The following MARVELD1 variants were observed in gnomAD, a reference collection of about 807,000 sequenced individuals.
MARVELD1 encodes the protein MARVEL domain containing 1.
In MARVELD1, 7 loss-of-function variants were observed where a neutral mutation model predicts 11.3. That is an observed-to-expected ratio of 0.62 (90% CI 0.35 to 1.16). MARVELD1 has a LOEUF of 1.16. Among genes scored for constraint, MARVELD1 ranks in the 50% most tolerant of loss-of-function variants. MARVELD1 has a pLI of 0.02. For synonymous variants in MARVELD1, 119 were observed against 121.4 expected, an observed-to-expected ratio of 0.98 and a Z score of 0.13; for missense variants, 216 against 243.8, an observed-to-expected ratio of 0.89 and a Z score of 0.76.
rs1410279497 is a variant in MARVELD1, at chr10:97,713,980, G to GGCTGCTGCA, written c.112_120dup (p.Gln38_Leu40dup). On this transcript the variant is annotated inframe_insertion, in exon 1 of 2. Coordinates refer to ENST00000285605, the MANE Select transcript of MARVELD1 (RefSeq NM_031484.4). This position sits in a 1 kb window ranked among gnomAD's most constrained non-coding sequence, Gnocchi z 5.7. ...CTGCGCAGCCCGCTGGGCGTGTTGC[G>GGCTGCTGCA]GCTGCTGCAGCTGCTGGCCGGCGCT... 2 of 1,534,458 alleles carry GGCTGCTGCA rather than the reference G, an allele frequency of 1.3e-6. No individual in the cohort carries two copies. The highest frequency in any genetic ancestry group is 1.7e-6 in the Non-Finnish European group (2 of 1,145,946).
In MARVELD1 at chr10:97,714,152, G is replaced by T. The variant is rs1396454653; in HGVS notation, c.276G>T (p.Ser92=). 2 of 1,536,864 alleles carry T rather than the reference G, an allele frequency of 1.3e-6. No individual in the cohort carries two copies. The highest frequency in any genetic ancestry group is 2.4e-5 in the South Asian group (2 of 84,054). The change falls in exon 1 of 2, where the codon TCG becomes TCT. Residue 92 remains serine (S), a synonymous_variant. Coordinates refer to ENST00000285605, the MANE Select transcript of MARVELD1 (RefSeq NM_031484.4). This position sits in a 1 kb window ranked among gnomAD's most constrained non-coding sequence, Gnocchi z 7.4. The stretch of plus-strand genomic sequence containing the variant: ...ACGAGCTGGTCCCCGTGCTGGGCTC[G>T]CGCTGGCTCATGGTCAACGTGGCGC... The part of the protein sequence containing the change: ...GKHELVPVLG[S]RWLMVNVAHD...
Position 97,713,874 on chromosome 10 carries a change from G to T in MARVELD1, c.-3G>T, listed in dbSNP as rs866528612. 71 of 740,980 alleles carry T rather than the reference G, an allele frequency of 9.6e-5. 1 individual carries two copies. In the East Asian group the frequency reaches 7.6e-3, roughly 79 times the overall value. The allele number at this position is 740,980 out of a possible 1,614,324, so 45.9% of individuals were successfully genotyped here. A position where few individuals can be genotyped will look rare whatever the true frequency, so the allele number is the denominator to read the frequency against. ...GCCGCCGCCGCCACCGCGCCCAGGGGCCATGCTCCCGCCGCCCCCGCGCCA... is the reference window on the plus strand; with the variant it reads ...GCCGCCGCCGCCACCGCGCCCAGGGTCCATGCTCCCGCCGCCCCCGCGCCA... On this transcript the variant is annotated 5_prime_UTR_variant, in exon 1 of 2. Transcript: ENST00000285605. The surrounding 1 kb of genome is among the most constrained non-coding windows in gnomAD (Gnocchi z 5.7).
chr10:97,717,010 G>A (rs1026203627), intron 1 of MARVELD1, among the ~76,000 whole-genome samples, 184 bp from the exon 2 acceptor site: 5 of 152,158 alleles, frequency 3.3e-5, no homozygotes, highest in Non-Finnish European at 5.9e-5. Context: ...TAAGTGTATA[G>A]TTCAGTGGCA....
Position 97,714,457 on chromosome 10 carries a change from C to T in MARVELD1, c.*59C>T, listed in dbSNP as rs2041896207. On this transcript the variant is annotated 3_prime_UTR_variant, in exon 1 of 2. Transcript: ENST00000285605. This position sits in a 1 kb window ranked among gnomAD's most constrained non-coding sequence, Gnocchi z 7.4. ...CGGGGGAATCCCCGGAGACCAGCCT[C>T]CTTAATCCCTTCCCCCGCCGCCGCC... 3 of 1,271,038 alleles carry T rather than the reference C, an allele frequency of 2.4e-6. No individual in the cohort carries two copies. Among genetic ancestry groups the T allele is most frequent in the Non-Finnish European group, 3.1e-6 (3 of 956,666 alleles). The allele number at this position is 1,271,038 out of a possible 1,614,324, so 78.7% of individuals were successfully genotyped here. A position where few individuals can be genotyped will look rare whatever the true frequency, so the allele number is the denominator to read the frequency against.
At chr10:97,716,747 C>G (rs975338492) in intron 1 of MARVELD1, among the ~76,000 whole-genome samples, 1 of 152,030 alleles carries the variant, frequency 6.6e-6, no homozygotes, top group African/African-American at 2.4e-5. Flanking sequence ...CTCAGTAACC[C>G]TAATGAGGTG....
Position 97,714,443 on chromosome 10 carries a change from C to A in MARVELD1, c.*45C>A, listed in dbSNP as rs2041896064. On this transcript the variant is annotated 3_prime_UTR_variant, in exon 1 of 2. Coordinates refer to ENST00000285605, the MANE Select transcript of MARVELD1 (RefSeq NM_031484.4). This position sits in a 1 kb window ranked among gnomAD's most constrained non-coding sequence, Gnocchi z 7.4. ...GGCCCCGATCGGGGCGGGGGAATCC[C>A]CGGAGACCAGCCTCCTTAATCCCTT... is the stretch of plus-strand genomic sequence containing the variant. The A allele has an allele frequency of 7.2e-7, 1 of 1,382,224 alleles. No homozygotes were observed. The highest frequency in any genetic ancestry group is 1.5e-5 in the South Asian group (1 of 68,148). The allele number at this position is 1,382,224 out of a possible 1,614,324, so 85.6% of individuals were successfully genotyped here.
At position 97,714,478 on chromosome 10, in the gene MARVELD1, C is replaced by T. The variant is rs1589956442; in HGVS notation, c.*80C>T. On this transcript the variant is annotated 3_prime_UTR_variant, in exon 1 of 2. Transcript: ENST00000285605. The surrounding 1 kb of genome is among the most constrained non-coding windows in gnomAD (Gnocchi z 7.4). ...GCCTCCTTAATCCCTTCCCCCGCCG[C>T]CGCCCCGCGCGGGTGCGCCCTGGCA... 1.8e-6 allele frequency: 2 copies of T among 1,137,114 alleles called. No individual in the cohort carries two copies. Among genetic ancestry groups the T allele is most frequent in the Non-Finnish European group, 2.4e-6 (2 of 839,630 alleles). 70.4% of individuals were successfully genotyped at this position (1,137,114 alleles called of 1,614,324 possible).
intron 1 of MARVELD1, among the ~76,000 whole-genome samples, chr10:97,716,801 C>T (rs2041915327): frequency 6.6e-6 from 1 of 151,976 alleles, no homozygotes; most frequent in African/African-American, 2.4e-5. Flanking sequence ...AGGTTGAATC[C>T]CAGAGAGGTT....
chr10:97,714,500 G>T lies in MARVELD1; in HGVS notation c.*102G>T. On this transcript the variant is annotated 3_prime_UTR_variant, in exon 1 of 2. Transcript: ENST00000285605. The surrounding 1 kb of genome is among the most constrained non-coding windows in gnomAD (Gnocchi z 7.4). ...CCGCCGCCCCGCGCGGGTGCGCCCT[G>T]GCACCCTCTCCCTGCCCTCCAGCGT... 2.3e-6 allele frequency: 2 copies of T among 882,302 alleles called. No individual in the cohort carries two copies. Among genetic ancestry groups the T allele is most frequent in the Non-Finnish European group, 3.3e-6 (2 of 609,534 alleles). 54.7% of individuals were successfully genotyped at this position (882,302 alleles called of 1,614,324 possible).
In MARVELD1 at chr10:97,714,575, C is replaced by G. The variant is rs1449131905; in HGVS notation, c.*177C>G. On this transcript the variant is annotated 3_prime_UTR_variant, in exon 1 of 2. Transcript: ENST00000285605. This position sits in a 1 kb window ranked among gnomAD's most constrained non-coding sequence, Gnocchi z 7.4. Reference sequence around the variant, plus strand: ...ACCCTGACGCTCAGCTCCCGCCCGACGGCAGCGCCGCCGCCGCCCAGAATC... The same window carrying G: ...ACCCTGACGCTCAGCTCCCGCCCGAGGGCAGCGCCGCCGCCGCCCAGAATC... 1.4e-5 allele frequency: 7 copies of G among 496,106 alleles called. No homozygotes were observed. Among genetic ancestry groups the G allele is most frequent in the Non-Finnish European group, 2.4e-5 (7 of 289,934 alleles). The allele number at this position is 496,106 out of a possible 1,614,324, so 30.7% of individuals were successfully genotyped here.
At chr10:97,716,870 G>A (rs899371894) in intron 1 of MARVELD1, among the ~76,000 whole-genome samples, 19 of 152,118 alleles carry the variant, frequency 1.2e-4, no homozygotes, top group African/African-American at 4.6e-4. Flanking sequence ...TTGAACCCTG[G>A]CAGCCTGGCC....
chr10:97,716,140 A>G (rs2135789990), intron 1 of MARVELD1, among the ~76,000 whole-genome samples, 155 bp downstream of exon 1: 1 of 152,176 alleles, frequency 6.6e-6, no homozygotes, highest in African/African-American at 2.4e-5. Context: ...TGAAAATTCA[A>G]CCTTTTTGCT....
At position 97,714,332 on chromosome 10, in the gene MARVELD1, C is replaced by T. The variant is rs892842467; in HGVS notation, c.456C>T (p.Gly152=). The part of the protein sequence containing the change: ...AAAVCGGVCH[G]LYLLSALYGC... ...CCGTCTGCGGCGGCGTCTGCCACGG[C>T]CTCTACCTGCTTTCGGCGCTCTATG... Residue 152 remains glycine (G), a synonymous_variant, in exon 1 of 2, where the codon GGC becomes GGT. Coordinates refer to ENST00000285605, the MANE Select transcript of MARVELD1 (RefSeq NM_031484.4). This position sits in a 1 kb window ranked among gnomAD's most constrained non-coding sequence, Gnocchi z 7.4. 2.6e-6 allele frequency: 4 copies of T among 1,535,726 alleles called. No individual in the cohort carries two copies. The highest frequency in any genetic ancestry group is 2.4e-5 in the South Asian group (2 of 84,036).
intron 1 of MARVELD1, among the ~76,000 whole-genome samples, chr10:97,716,755 G>A (rs936268902): frequency 6.6e-6 from 1 of 152,120 alleles, no homozygotes; most frequent in Non-Finnish European, 1.5e-5. Context: ...CCCTAATGAG[G>A]TGGGTTCTAA....
chr10:97,714,380 C>A lies in MARVELD1; in HGVS notation c.504C>A (p.Gly168=), dbSNP rs1448504870. ...ALYGCGRRCQ[G]KQEVA is the part of the protein sequence containing the mutation. ...ATGGCTGCGGGCGTCGCTGCCAGGG[C>A]AAGCAGGAGGTGGCGTGAGGCCGCC... The change falls in exon 1 of 2, where the codon GGC becomes GGA. Residue 168 remains glycine (G), a synonymous_variant. Transcript: ENST00000285605. This position sits in a 1 kb window ranked among gnomAD's most constrained non-coding sequence, Gnocchi z 7.4. The A allele has an allele frequency of 1.3e-6, 2 of 1,524,412 alleles. No homozygotes were observed. Among genetic ancestry groups the A allele is most frequent in the Non-Finnish European group, 1.8e-6 (2 of 1,142,202 alleles). 94.4% of individuals were successfully genotyped at this position (1,524,412 alleles called of 1,614,324 possible).
At position 97,714,658 on chromosome 10, in the gene MARVELD1, C is replaced by G. The variant is rs1216021148; in HGVS notation, c.*260C>G. On this transcript the variant is annotated 3_prime_UTR_variant, in exon 1 of 2. Coordinates refer to ENST00000285605, the MANE Select transcript of MARVELD1 (RefSeq NM_031484.4). The surrounding 1 kb of genome is among the most constrained non-coding windows in gnomAD (Gnocchi z 7.4). Reference sequence around the variant, plus strand: ...CGCCGTCTCCCGGGACAAGCGCAGGCTGCGATCCGAGGGGCTGACACACAC... The same window carrying G: ...CGCCGTCTCCCGGGACAAGCGCAGGGTGCGATCCGAGGGGCTGACACACAC... The G allele has an allele frequency of 4.4e-6, 2 of 456,808 alleles. No homozygotes were observed. 28.3% of individuals were successfully genotyped at this position (456,808 alleles called of 1,614,324 possible). A position where few individuals can be genotyped will look rare whatever the true frequency, so the allele number is the denominator to read the frequency against.
In MARVELD1 at chr10:97,714,175, C is replaced by A. The variant is rs1372097537; in HGVS notation, c.299C>A (p.Ala100Glu). ...TCGCGCTGGCTCATGGTCAACGTGG[C>A]GCACGATGTGCTGGCGGCCGCGCTC... ...LGSRWLMVNV[A>E]HDVLAAALYG... is the part of the protein sequence containing the mutation. Residue 100 changes from alanine (A) to glutamate (E), a missense_variant, in exon 1 of 2, where the codon GCG becomes GAG. Physicochemically the swap from Ala to Glu is moderately radical, Grantham distance 107. Coordinates refer to ENST00000285605, the MANE Select transcript of MARVELD1 (RefSeq NM_031484.4). This position sits in a 1 kb window ranked among gnomAD's most constrained non-coding sequence, Gnocchi z 7.4. 2 of 1,536,760 alleles carry A rather than the reference C, an allele frequency of 1.3e-6. No homozygotes were observed. Among genetic ancestry groups the A allele is most frequent in the Non-Finnish European group, 8.7e-7 (1 of 1,146,664 alleles).
At chr10:97,716,941 T>C (rs1165981096) in intron 1 of MARVELD1, among the ~76,000 whole-genome samples, 1 of 152,210 alleles carries the variant, frequency 6.6e-6, no homozygotes, top group Non-Finnish European at 1.5e-5. Context: ...ATACTGTTAA[T>C]GTAGCTATTT....
In MARVELD1 at chr10:97,714,135, G is replaced by A. The variant is rs1470544474; in HGVS notation, c.259G>A (p.Val87Ile). Residue 87 changes from valine to isoleucine, a missense_variant, in exon 1 of 2, where the codon GTC (valine) becomes ATC (isoleucine). By Grantham distance (29) the Val-to-Ile change is conservative. Coordinates refer to ENST00000285605, the MANE Select transcript of MARVELD1 (RefSeq NM_031484.4). This position sits in a 1 kb window ranked among gnomAD's most constrained non-coding sequence, Gnocchi z 7.4. ...FLTLLGKHEL[V>I]PVLGSRWLMV... Reference sequence around the variant, plus strand: ...CACGCTGCTGGGCAAGCACGAGCTGGTCCCCGTGCTGGGCTCGCGCTGGCT... The same window carrying A: ...CACGCTGCTGGGCAAGCACGAGCTGATCCCCGTGCTGGGCTCGCGCTGGCT... The A allele has an allele frequency of 3.3e-6, 5 of 1,536,952 alleles. No homozygotes were observed. Among genetic ancestry groups the A allele is most frequent in the Non-Finnish European group, 4.4e-6 (5 of 1,146,712 alleles).
Sources: allele counts gnomAD v4.1 joint callset (sites outside exome capture counted in the v4.1 genomes callset), GRCh38; gene constraint gnomAD v4.1.1; non-coding constraint Gnocchi (gnomAD v3.1); transcripts MANE v1.5; gene names NCBI Gene and HGNC (gene_info 2026-07-23, HGNC 2026-07-21).